Variants in OBI1 observed in about 807,000 individuals in gnomAD.
The protein encoded by OBI1 is ORC ubiquitin ligase 1.
A neutral mutation model predicts 62.4 loss-of-function variants in OBI1; 59 were observed. The observed-to-expected ratio is 0.95, with a 90% CI of 0.77 to 1.17. The LOEUF (loss-of-function observed/expected upper bound fraction) is 1.17, where lower values mean the gene tolerates loss of function less well. Among genes scored for constraint, OBI1 ranks in the 50% most tolerant of loss-of-function variants. The probability of loss-of-function intolerance (pLI) is 0.00; values close to 1 mark genes in which losing one functional copy is unlikely to be tolerated. For synonymous variants in OBI1, 302 were observed against 292.8 expected (o/e 1.03, Z -0.32); for missense variants, 875 against 830.9 (o/e 1.05, Z -0.65).
At chr13:78,617,364 A>G (rs1875345945) in intron 5 of OBI1, 4 of 370,056 alleles carry the variant, frequency 1.1e-5, no homozygotes, top group Non-Finnish European at 1.4e-5. Context: ...AATCAGATCT[A>G]TGGTAGCAGA....
chr13:78,632,317 A>T (rs554287225), intron 5 of OBI1, among the ~76,000 whole-genome samples: 1 of 152,328 alleles, frequency 6.6e-6, no homozygotes, highest in Admixed American at 6.5e-5. Flanking sequence ...TGGAACTTCT[A>T]GCCTCCAAAA....
chr13:78,616,519 T>C lies in OBI1; in HGVS notation c.1242A>G (p.Gly414=), dbSNP rs1431069774. The C allele has an allele frequency of 9.9e-6, 16 of 1,614,146 alleles. No homozygotes were observed. The highest frequency in any genetic ancestry group is 1.7e-5 in the Admixed American group (1 of 60,012). The change falls in exon 6 of 6, where the codon GGA becomes GGG. Residue 414 remains glycine (G), a synonymous_variant. Transcript: ENST00000282003. ...ENRESSVVQA[G]GSKKHSNHLR... Reference sequence around the variant, plus strand: ...GATGGTTTGAGTGCTTTTTGGAACCTCCTGCTTGGACCACAGAGCTCTCTC... The same window carrying C: ...GATGGTTTGAGTGCTTTTTGGAACCCCCTGCTTGGACCACAGAGCTCTCTC...
intron 1 of OBI1, among the ~76,000 whole-genome samples, chr13:78,654,527 A>T (rs1344936420): frequency 6.6e-6 from 1 of 152,192 alleles, no homozygotes; most frequent in East Asian, 1.9e-4. Context: ...GTGAACAGTG[A>T]TTAATGAATT....
chr13:78,649,617 G>C (rs544102494), intron 1 of OBI1, among the ~76,000 whole-genome samples: 3 of 152,286 alleles, frequency 2.0e-5, no homozygotes, highest in African/African-American at 7.2e-5. Flanking sequence ...AAAATGAGAC[G>C]ACGGTTAGGA....
intron 1 of OBI1, among the ~76,000 whole-genome samples, chr13:78,648,671 T>C (rs375664570): frequency 6.6e-6 from 1 of 152,160 alleles, no homozygotes; most frequent in Non-Finnish European, 1.5e-5. Context: ...TCCAGCACTT[T>C]GGGAGGCCGA....
intron 2 of OBI1, among the ~76,000 whole-genome samples, chr13:78,644,650 C>T (rs1195553029): frequency 6.6e-6 from 1 of 151,966 alleles, no homozygotes; most frequent in Non-Finnish European, 1.5e-5. Flanking sequence ...ATGTAAGTTC[C>T]GTGAGGCTCT....
Position 78,616,849 on chromosome 13 carries a change from T to C in OBI1, c.912A>G (p.Ser304=), listed in dbSNP as rs772329862. The part of the protein sequence containing the change: ...QGDSARKQPG[S]STSSSSHLAK... Reference sequence around the variant, plus strand: ...CTAGGTGAGAAGAACTGGAGGTGGATGAGCCAGGCTGCTTTCTGGCACTAT... The same window carrying C: ...CTAGGTGAGAAGAACTGGAGGTGGACGAGCCAGGCTGCTTTCTGGCACTAT... Residue 304 remains serine, a synonymous_variant, in exon 6 of 6, where the codon TCA becomes TCG. Transcript: ENST00000282003. 5.6e-6 allele frequency: 9 copies of C among 1,614,230 alleles called. No homozygotes were observed. The highest frequency in any genetic ancestry group is 1.1e-5 in the South Asian group (1 of 91,086).
At chr13:78,658,955 C>A (rs1284022500) in intron 1 of OBI1, 94 bp downstream of exon 1, 2 of 1,131,980 alleles carry the variant, frequency 1.8e-6, no homozygotes, top group South Asian at 2.6e-5. Context: ...CCGCGCCTCA[C>A]GCCCCTTCCC....
chr13:78,638,990 G>C lies in OBI1; in HGVS notation c.382C>G (p.Leu128Val), dbSNP rs951927095. The C allele has an allele frequency of 6.2e-6, 10 of 1,613,894 alleles. No homozygotes were observed. Among genetic ancestry groups the C allele is most frequent in the Non-Finnish European group, 8.5e-6 (10 of 1,179,886 alleles). The change falls in exon 4 of 6, where the codon CTG (leucine) becomes GTG (valine). Residue 128 changes from leucine to valine, a missense_variant. Coordinates refer to ENST00000282003, the MANE Select transcript of OBI1 (RefSeq NM_024546.4). ...LSLESQIKTI[L>V]DPLTLVQGNQ... is the part of the protein sequence containing the mutation. ...CCCTGCACCAAGGTTAAAGGATCCA[G>C]AATAGTTTTGATCTGTGACTCCAAG...
intron 5 of OBI1, among the ~76,000 whole-genome samples, chr13:78,632,818 T>C (rs1402839025): frequency 6.6e-6 from 1 of 152,176 alleles, no homozygotes; most frequent in Non-Finnish European, 1.5e-5. Context: ...TGCAAATTGA[T>C]CTGGAATACG....
intron 1 of OBI1, among the ~76,000 whole-genome samples, chr13:78,647,268 G>A (rs967498849): frequency 6.6e-6 from 1 of 152,210 alleles, no homozygotes; most frequent in Non-Finnish European, 1.5e-5. Flanking sequence ...CCTTGCAGTT[G>A]AGATAAGAGG....
intron 3 of OBI1, 73 bp from the exon 4 acceptor site, chr13:78,639,144 CA>C: frequency 6.9e-7 from 1 of 1,451,678 alleles, no homozygotes; most frequent in Non-Finnish European, 9.2e-7. Context: ...AAACTGAAGC[CA>C]ACATGGTTTG....
chr13:78,635,267 G>A (rs780037499), intron 4 of OBI1, 69 bp from the exon 5 acceptor site: 25 of 894,564 alleles, frequency 2.8e-5, no homozygotes, highest in Non-Finnish European at 4.0e-5. Context: ...ATTACAACAT[G>A]AGCCATCCGT....
intron 4 of OBI1, 79 bp from the exon 5 acceptor site, chr13:78,635,277 T>A: frequency 1.2e-6 from 1 of 828,034 alleles, no homozygotes; most frequent in Non-Finnish European, 2.0e-6. Context: ...GAGCCATCCG[T>A]ATTTTTTAGA....
intron 3 of OBI1, 61 bp downstream of exon 3, chr13:78,642,061 T>A (rs1264879284): frequency 7.0e-6 from 6 of 858,992 alleles, no homozygotes; most frequent in Non-Finnish European, 1.2e-5. Context: ...GGGACTGAGG[T>A]AGGTCAGTTT....
chr13:78,621,793 C>T (rs550779822), intron 5 of OBI1, among the ~76,000 whole-genome samples: 43 of 152,300 alleles, frequency 2.8e-4, no homozygotes, highest in Non-Finnish European at 5.1e-4. Flanking sequence ...CAAAACACTT[C>T]GCACTAAAGC....
At chr13:78,648,339 A>G (rs946486782) in intron 1 of OBI1, among the ~76,000 whole-genome samples, 1 of 151,732 alleles carries the variant, frequency 6.6e-6, no homozygotes. Flanking sequence ...CAATATTCCT[A>G]GAAGTACTAT....
intron 4 of OBI1, among the ~76,000 whole-genome samples, chr13:78,637,336 T>C (rs1331057046): frequency 6.6e-6 from 1 of 152,228 alleles, no homozygotes; most frequent in Admixed American, 6.5e-5. Flanking sequence ...TCACTAGGCA[T>C]AGAAAATGGG....
At chr13:78,628,957 C>T (rs1277423799) in intron 5 of OBI1, among the ~76,000 whole-genome samples, 1 of 151,950 alleles carries the variant, frequency 6.6e-6, no homozygotes, top group South Asian at 2.1e-4. Flanking sequence ...CATAGGCAGA[C>T]AATTATTAAA....
Sources: gnomAD v4.1 joint callset for allele counts (sites outside exome capture counted in the v4.1 genomes callset) on GRCh38, gnomAD v4.1.1 for gene constraint, MANE v1.5 for transcripts, NCBI Gene and HGNC (gene_info 2026-07-23, HGNC 2026-07-21) for gene names.